MEGF10: variants seen among roughly 807,000 people sequenced by gnomAD.
MEGF10 encodes the protein multiple epidermal growth factor-like domains protein 10.
MEGF10 carries 86 observed loss-of-function variants against 147.5 expected under a neutral mutation model. That is an observed-to-expected ratio of 0.58 (90% CI 0.49 to 0.70). The LOEUF is 0.70. Ranked by LOEUF, MEGF10 falls within the 30% of genes least tolerant of loss-of-function variation. MEGF10 has a pLI of 0.00. For missense variants in MEGF10, 1,329 were observed against 1,487.3 expected (o/e 0.89, Z 1.75); for synonymous variants, 478 against 525.5 (o/e 0.91, Z 1.24).
intron 5 of MEGF10, among the ~76,000 whole-genome samples, chr5:127,385,519 C>T (rs997879305): frequency 1.3e-5 from 2 of 152,136 alleles, no homozygotes; most frequent in Non-Finnish European, 2.9e-5. Flanking sequence ...GTGATCTGCC[C>T]GACTTGGCCT....
chr5:127,271,888 A>G, the MEGF10 span, among the ~76,000 whole-genome samples: 1 of 152,082 alleles, frequency 6.6e-6, no homozygotes, highest in African/African-American at 2.4e-5. Context: ...GGATTAATAC[A>G]CTATTTCGAG....
At chr5:127,419,011 A>G in intron 10 of MEGF10, 109 bp from the exon 11 acceptor site, 1 of 1,326,570 alleles carries the variant, frequency 7.5e-7, no homozygotes, top group Non-Finnish European at 1.0e-6. Context: ...GTGTGTTAAA[A>G]TTAGAGAGGA....
Position 127,340,636 on chromosome 5 carries a change from TAAGA to T in MEGF10, c.319+7_319+10del. The stretch of plus-strand genomic sequence containing the variant: ...AAGCGGGGAAATGTGTGTCCGTAAG[TAAGA>T]CTGTCACCCCTTTGAGATTCGCTAG... On this transcript the variant is annotated splice_region_variant and intron_variant, in intron 4 of 24. Transcript: ENST00000503335. 1 of 1,609,134 alleles carries T rather than the reference TAAGA, an allele frequency of 6.2e-7. No individual in the cohort carries two copies. The highest frequency in any genetic ancestry group is 8.5e-7 in the Non-Finnish European group (1 of 1,175,876).
the MEGF10 span, among the ~76,000 whole-genome samples, chr5:127,240,021 C>T: frequency 6.6e-6 from 1 of 152,138 alleles, no homozygotes; most frequent in Non-Finnish European, 1.5e-5. Context: ...ATCACACAAG[C>T]CCTGCCTGAA....
In MEGF10 at chr5:127,340,635, G is replaced by A; in HGVS notation, c.319+5G>A. Reference sequence around the variant, plus strand: ...AAAGCGGGGAAATGTGTGTCCGTAAGTAAGACTGTCACCCCTTTGAGATTC... The same window carrying A: ...AAAGCGGGGAAATGTGTGTCCGTAAATAAGACTGTCACCCCTTTGAGATTC... On this transcript the variant is annotated splice_donor_5th_base_variant and intron_variant, in intron 4 of 24. Transcript: ENST00000503335. The A allele has an allele frequency of 1.2e-6, 2 of 1,609,970 alleles. No individual in the cohort carries two copies. The highest frequency in any genetic ancestry group is 1.7e-6 in the Non-Finnish European group (2 of 1,176,636).
chr5:127,350,817 A>C (rs1233551655), intron 4 of MEGF10, among the ~76,000 whole-genome samples: 1 of 152,182 alleles, frequency 6.6e-6, no homozygotes, highest in African/African-American at 2.4e-5. Context: ...TTGTGGATAC[A>C]TAGTAGGTGT....
intron 13 of MEGF10, among the ~76,000 whole-genome samples, chr5:127,423,793 A>G (rs529666819): frequency 5.9e-5 from 9 of 152,276 alleles, no homozygotes; most frequent in South Asian, 2.1e-4. Context: ...TATCAGATAT[A>G]TAATTTACAA....
chr5:127,333,510 C>CA (rs5871249), intron 2 of MEGF10, among the ~76,000 whole-genome samples: 441 of 98,168 alleles, frequency 4.5e-3, no homozygotes, highest in African/African-American at 0.016. Flanking sequence ...GACCCTGCCT[C>CA]AAAAAAAATA....
intron 8 of MEGF10, among the ~76,000 whole-genome samples, chr5:127,405,965 T>G (rs181605442): frequency 1.3e-5 from 2 of 152,272 alleles, no homozygotes; most frequent in East Asian, 1.9e-4. Flanking sequence ...ACATCCTGGT[T>G]TTAGGTTGTA....
At chr5:127,370,972 TGAATGGACTTA>T (rs988622543) in intron 5 of MEGF10, among the ~76,000 whole-genome samples, 4 of 152,238 alleles carry the variant, frequency 2.6e-5, no homozygotes, top group African/African-American at 9.6e-5. Context: ...GAAATTAGTC[TGAATGGACTTA>T]TTTCAATAAG....
chr5:127,264,728 T>A, the MEGF10 span, among the ~76,000 whole-genome samples: 3,111 of 152,232 alleles, frequency 0.02, 52 homozygotes, highest in Non-Finnish European at 0.032. Flanking sequence ...CCTAAATACA[T>A]GATAAAAACA....
At chr5:127,327,774 G>A (rs929761123) in intron 1 of MEGF10, among the ~76,000 whole-genome samples, 3 of 149,842 alleles carry the variant, frequency 2.0e-5, no homozygotes, top group South Asian at 2.1e-4. Context: ...GAGTGCAATG[G>A]CACGATCTTG....
intron 1 of MEGF10, among the ~76,000 whole-genome samples, chr5:127,300,881 C>T (rs2126713282): frequency 6.6e-6 from 1 of 152,324 alleles, no homozygotes; most frequent in Non-Finnish European, 1.5e-5. Flanking sequence ...ATAGTGTTAG[C>T]AGAGCCCCAC....
chr5:127,279,087 G>C, the MEGF10 span, among the ~76,000 whole-genome samples: 1 of 152,166 alleles, frequency 6.6e-6, no homozygotes, highest in Admixed American at 6.5e-5. Flanking sequence ...TGCAGCAAGA[G>C]AGGAGCAAAT....
chr5:127,450,698 A>G (rs1478565545), intron 22 of MEGF10, among the ~76,000 whole-genome samples: 8 of 152,230 alleles, frequency 5.3e-5, no homozygotes, highest in African/African-American at 1.4e-4. Context: ...TTTCTTTTAA[A>G]TTTTAATATA....
At position 127,420,181 on chromosome 5, in the gene MEGF10, G is replaced by C. The variant is rs140563851; in HGVS notation, c.1564G>C (p.Gly522Arg). 34 of 1,614,012 alleles carry C rather than the reference G, an allele frequency of 2.1e-5. No homozygotes were observed. The South Asian group carries it at 3.5e-4, about 17-fold the overall frequency. ...GTCTCAPGWR[G>R]EKCELPCQDG... is the part of the protein sequence containing the mutation. ...CTGCACGTGTGCACCTGGATGGCGC[G>C]GGGAGAAATGCGAACTTCCCTGCCA... The change falls in exon 12 of 25, where the codon GGG becomes CGG. Residue 522 changes from glycine to arginine, a missense_variant. By Grantham distance (125) the Gly-to-Arg change is moderately radical. This residue lies in a region of MEGF10 where 980 missense variants were observed against 1,085.9 expected (regional missense o/e 0.90). Coordinates refer to ENST00000503335, the MANE Select transcript of MEGF10 (RefSeq NM_001256545.2).
At chr5:127,413,082 T>C (rs1764631532) in intron 9 of MEGF10, among the ~76,000 whole-genome samples, 1 of 152,214 alleles carries the variant, frequency 6.6e-6, no homozygotes, top group South Asian at 2.1e-4. Context: ...AGATTCAACA[T>C]ACCCCACCTC....
chr5:127,455,577 A>T lies in MEGF10; in HGVS notation c.3202A>T (p.Thr1068Ser), dbSNP rs763474081. ...DSPYAEINNS[T>S]SANRNVYEVE... ...CCCATATGCAGAGATCAATAACTCAACTTCAGCCAACAGGAATGTCTATGA... is the reference window on the plus strand; with the variant it reads ...CCCATATGCAGAGATCAATAACTCATCTTCAGCCAACAGGAATGTCTATGA... The change falls in exon 24 of 25, where the codon ACT (threonine) becomes TCT (serine). Residue 1068 changes from threonine (T) to serine (S), a missense_variant. Physicochemically the swap from Thr to Ser is moderately conservative, Grantham distance 58. Transcript: ENST00000503335. 4 of 1,614,168 alleles carry T rather than the reference A, an allele frequency of 2.5e-6. No individual in the cohort carries two copies. In the South Asian group the frequency reaches 3.3e-5, roughly 13 times the overall value.
At chr5:127,412,370 T>A (rs1764605990) in intron 9 of MEGF10, among the ~76,000 whole-genome samples, 2 of 152,208 alleles carry the variant, frequency 1.3e-5, no homozygotes, top group Non-Finnish European at 1.5e-5. Flanking sequence ...AGTTCTTATA[T>A]CTTAAACTTC....
Sources: gnomAD v4.1 joint callset for allele counts (sites outside exome capture counted in the v4.1 genomes callset) on GRCh38, gnomAD v4.1.1 for gene constraint, gnomAD v4.1.1 regional missense constraint, MANE v1.5 for transcripts, NCBI Gene and HGNC (gene_info 2026-07-23, HGNC 2026-07-21) for gene names.